The following RBFOX1 variants were observed in gnomAD, a reference collection of about 807,000 sequenced individuals.
The protein encoded by RBFOX1 is RNA binding protein fox-1 homolog 1.
A neutral mutation model predicts 57.7 loss-of-function variants in RBFOX1; 8 were observed. That is an observed-to-expected ratio of 0.14 (90% CI 0.08 to 0.25). The LOEUF (loss-of-function observed/expected upper bound fraction) is 0.25, where lower values mean the gene tolerates loss of function less well. Ranked by LOEUF, RBFOX1 falls within the 10% of genes least tolerant of loss-of-function variation. The probability of loss-of-function intolerance (pLI) is 1.00; values close to 1 mark genes in which losing one functional copy is unlikely to be tolerated. For missense variants in RBFOX1, 611 were observed against 548.5 expected, an observed-to-expected ratio of 1.11 and a Z score of -1.14; for synonymous variants, 326 against 222.4, an observed-to-expected ratio of 1.47 and a Z score of -4.15.
intron 4 of RBFOX1, among the ~76,000 whole-genome samples, chr16:7,156,916 C>T (rs546219918): frequency 6.6e-6 from 1 of 152,084 alleles, no homozygotes; most frequent in African/African-American, 2.4e-5. Flanking sequence ...CGTTTACATT[C>T]CTATAATATA....
At chr16:6,530,354 C>T (rs978702645) in intron 2 of RBFOX1, among the ~76,000 whole-genome samples, 1 of 152,154 alleles carries the variant, frequency 6.6e-6, no homozygotes, top group Non-Finnish European at 1.5e-5. Context: ...CCAGCAGAAA[C>T]AGCTGAGCTT....
At chr16:5,812,442 T>G (rs1157221729) in intron 3 of RBFOX1, among the ~76,000 whole-genome samples, 3 of 149,094 alleles carry the variant, frequency 2.0e-5, no homozygotes, top group Admixed American at 6.8e-5. Context: ...CTCACCAACA[T>G]GATCAGTCTT....
chr16:7,623,503 G>C (rs1200235831), intron 10 of RBFOX1, among the ~76,000 whole-genome samples: 1 of 152,062 alleles, frequency 6.6e-6, no homozygotes, highest in Non-Finnish European at 1.5e-5. Context: ...TTCACAATAA[G>C]ATTCACACTT....
At chr16:7,647,374 C>T (rs1009692) in intron 11 of RBFOX1, among the ~76,000 whole-genome samples, 88,307 of 151,976 alleles carry the variant, frequency 0.58, 26,246 homozygotes, top group Middle Eastern at 0.66. Context: ...TTGATTCATG[C>T]TGGATAAGGC....
chr16:6,957,621 G>A (rs910767360), intron 3 of RBFOX1, among the ~76,000 whole-genome samples: 1 of 152,026 alleles, frequency 6.6e-6, no homozygotes, highest in Admixed American at 6.6e-5. Context: ...TATCAGCAAG[G>A]TCTTTATGAC....
intron 4 of RBFOX1, among the ~76,000 whole-genome samples, chr16:7,153,101 T>C (rs1442702914): frequency 6.6e-6 from 1 of 152,204 alleles, no homozygotes; most frequent in African/African-American, 2.4e-5. Context: ...TGTCTCTTAA[T>C]GTTATAATCT....
chr16:6,902,987 C>T (rs1052177199), intron 3 of RBFOX1, among the ~76,000 whole-genome samples: 12 of 152,150 alleles, frequency 7.9e-5, no homozygotes, highest in African/African-American at 2.9e-4. Flanking sequence ...AATAGTTACA[C>T]ATCAGTCACC....
At chr16:6,905,472 G>C (rs2069618044) in intron 3 of RBFOX1, among the ~76,000 whole-genome samples, 2 of 151,192 alleles carry the variant, frequency 1.3e-5, no homozygotes, top group African/African-American at 4.9e-5. Flanking sequence ...AGAATGGCTT[G>C]AACCCGGGAG....
At chr16:6,152,675 C>T (rs1046595569) in intron 1 of RBFOX1, among the ~76,000 whole-genome samples, 25 of 132,756 alleles carry the variant, frequency 1.9e-4, no homozygotes, top group African/African-American at 7.1e-4. Flanking sequence ...CTATCTATGG[C>T]TTTCGTACCT....
intron 2 of RBFOX1, among the ~76,000 whole-genome samples, chr16:6,401,634 A>C (rs900381583): frequency 2.0e-5 from 3 of 152,140 alleles, no homozygotes; most frequent in Non-Finnish European, 4.4e-5. Flanking sequence ...TCATTTACCC[A>C]TACCCCATTT....
chr16:7,238,634 C>CT (rs2093898600), intron 4 of RBFOX1, among the ~76,000 whole-genome samples: 1 of 152,260 alleles, frequency 6.6e-6, no homozygotes, highest in Non-Finnish European at 1.5e-5. Flanking sequence ...TTCTTTCTCT[C>CT]TTTTTTTGTA....
chr16:6,542,602 G>T (rs2096838314), intron 2 of RBFOX1, among the ~76,000 whole-genome samples: 1 of 144,044 alleles, frequency 6.9e-6, no homozygotes, highest in Non-Finnish European at 1.5e-5. Context: ...CCATTCTCCT[G>T]CCTCAGCCTG....
At chr16:6,666,913 A>C in intron 3 of RBFOX1, among the ~76,000 whole-genome samples, 1 of 152,228 alleles carries the variant, frequency 6.6e-6, no homozygotes, top group East Asian at 1.9e-4. Context: ...CAAAATGCTC[A>C]CGGTTCCAAG....
chr16:7,290,172 T>C lies in RBFOX1; in HGVS notation c.28-227975T>C, dbSNP rs79336638. ...GAGATAAAAGGAGCAGGATAAAAGA[T>C]GCATTTTATGACTTCAAATGTGAAG... On this transcript the variant is annotated intron_variant, in intron 4 of 15. Transcript: ENST00000550418. Among the ~76,000 whole-genome samples the C allele has an allele frequency of 4.0e-3, 604 of 152,298 alleles. 5 individuals carry two copies. Among genetic ancestry groups the C allele is most frequent in the African/African-American group, 0.014 (575 of 41,570 alleles).
intron 2 of RBFOX1, among the ~76,000 whole-genome samples, chr16:6,561,290 T>G (rs1379609518): frequency 1.3e-5 from 2 of 152,144 alleles, no homozygotes. Context: ...GTCTGCTGGG[T>G]AAATGTTCCA....
intron 3 of RBFOX1, among the ~76,000 whole-genome samples, chr16:6,838,837 C>G (rs757892215): frequency 3.9e-5 from 6 of 152,104 alleles, no homozygotes; most frequent in Non-Finnish European, 7.4e-5. Flanking sequence ...TCAGGTGCTT[C>G]CCCGTCATAC....
intron 1 of RBFOX1, among the ~76,000 whole-genome samples, chr16:5,305,323 T>C (rs982532364): frequency 1.6e-4 from 24 of 152,122 alleles, no homozygotes; most frequent in African/African-American, 5.3e-4. Flanking sequence ...ATCAGCAACA[T>C]TTTGGTAGAG....
chr16:6,030,928 G>A (rs1028288692), intron 1 of RBFOX1, among the ~76,000 whole-genome samples: 3 of 152,196 alleles, frequency 2.0e-5, no homozygotes, highest in Admixed American at 2.0e-4. Context: ...ACTGTATGGG[G>A]TGGGTATATT....
At chr16:5,813,448 T>C (rs1054912897) in intron 3 of RBFOX1, among the ~76,000 whole-genome samples, 1 of 152,208 alleles carries the variant, frequency 6.6e-6, no homozygotes, top group Admixed American at 6.5e-5. Flanking sequence ...TTATGTGGTC[T>C]ATCTATACAA....
Sources: allele counts gnomAD v4.1 joint callset (sites outside exome capture counted in the v4.1 genomes callset), GRCh38; gene constraint gnomAD v4.1.1; transcripts MANE v1.5; gene names NCBI Gene and HGNC (gene_info 2026-07-23, HGNC 2026-07-21).